Variants in DSCAM observed in about 807,000 individuals in gnomAD.
The protein encoded by DSCAM is DS cell adhesion molecule.
A neutral mutation model predicts 217.7 loss-of-function variants in DSCAM; 47 were observed. That is an observed-to-expected ratio of 0.22 (90% CI 0.17 to 0.28). DSCAM has a LOEUF of 0.28. Among genes scored for constraint, DSCAM ranks in the 10% least tolerant of loss-of-function variants. The pLI, the probability that DSCAM is intolerant of heterozygous loss-of-function variation, is 1.00. For missense variants in DSCAM, 2,080 were observed against 2,618.3 expected (o/e 0.79, Z 4.49); for synonymous variants, 1,056 against 1,015.3 (o/e 1.04, Z -0.76).
intron 5 of DSCAM, among the ~76,000 whole-genome samples, chr21:40,348,169 T>C (rs62223794): frequency 0.09 from 355 of 3,934 alleles, no homozygotes; most frequent in African/African-American, 0.11. Context: ...GCAATCATAC[T>C]CCACACAGTT....
At chr21:40,595,397 G>GAGGA (rs776842333) in intron 3 of DSCAM, among the ~76,000 whole-genome samples, 3 of 151,464 alleles carry the variant, frequency 2.0e-5, no homozygotes, top group Non-Finnish European at 4.4e-5. Flanking sequence ...GAAAAGAAAA[G>GAGGA]AGGAAGGAAG....
chr21:40,170,571 G>A (rs867231103), intron 15 of DSCAM, among the ~76,000 whole-genome samples: 10 of 152,256 alleles, frequency 6.6e-5, no homozygotes, highest in Middle Eastern at 6.8e-3. Flanking sequence ...GATGATTATT[G>A]TTGAGCCTCT....
chr21:40,763,590 A>G (rs2091358078), intron 1 of DSCAM, among the ~76,000 whole-genome samples: 1 of 152,230 alleles, frequency 6.6e-6, no homozygotes, highest in Non-Finnish European at 1.5e-5. Context: ...ACTAGAGAAA[A>G]CTACTTTAAA....
intron 1 of DSCAM, among the ~76,000 whole-genome samples, chr21:40,824,554 C>T (rs540189496): frequency 2.0e-5 from 3 of 151,920 alleles, no homozygotes; most frequent in South Asian, 4.2e-4. Context: ...GGACCACAAG[C>T]GCAGGCCACC....
In DSCAM at chr21:40,312,008, TCAAGCCC is replaced by T. The variant is rs1442591161; in HGVS notation, c.2062+66_2062+72del. The T allele has an allele frequency of 1.9e-5, 22 of 1,151,882 alleles. No homozygotes were observed. In the East Asian group the frequency reaches 1.1e-3, roughly 57 times the overall value. 71.4% of individuals were successfully genotyped at this position (1,151,882 alleles called of 1,614,324 possible). On this transcript the variant is annotated intron_variant, in intron 9 of 32. Transcript: ENST00000400454. ...AAGTTCCAGTTATTTTCGAAATATT[TCAAGCCC>T]CATCATCTTAAACCATTGTTAAATC...
intron 3 of DSCAM, among the ~76,000 whole-genome samples, chr21:40,509,821 G>T (rs758288099): frequency 6.6e-6 from 1 of 152,160 alleles, no homozygotes; most frequent in Non-Finnish European, 1.5e-5. Flanking sequence ...CACATGCTTT[G>T]ATCTTTCTCT....
At chr21:40,385,793 ATAT>A (rs2075078763) in intron 3 of DSCAM, among the ~76,000 whole-genome samples, 1 of 152,024 alleles carries the variant, frequency 6.6e-6, no homozygotes, top group African/African-American at 2.4e-5. Context: ...AACTTTATAT[ATAT>A]TTTTTTAAGA....
rs1555872444 is a variant in DSCAM at position 40,620,386 on chromosome 21, G to GAAAGAGAA, written c.508+72423_508+72424insTTCTCTTT. The stretch of plus-strand genomic sequence containing the variant: ...AAAGAAAAAGAAAGAAAGAAAGAAA[G>GAAAGAGAA]AGAAAGAAAGAAAGAAAGGAGGGAG... On this transcript the variant is annotated intron_variant, in intron 3 of 32. Transcript: ENST00000400454. Among the ~76,000 whole-genome samples the GAAAGAGAA allele has an allele frequency of 6.0e-3, 549 of 91,618 alleles. 12 individuals carry two copies. The highest frequency in any genetic ancestry group is 0.019 in the African/African-American group (520 of 27,840). The allele number at this position is 91,618 out of a possible 152,430, so 60.1% of individuals were successfully genotyped here. A position where few individuals can be genotyped will look rare whatever the true frequency, so the allele number is the denominator to read the frequency against.
In DSCAM at chr21:40,456,288, GA is replaced by G. The variant is rs199856260; in HGVS notation, c.509-87044del. Among the ~76,000 whole-genome samples the G allele has an allele frequency of 6.9e-3, 1,036 of 151,234 alleles. 16 individuals are homozygous for G. Among genetic ancestry groups the G allele is most frequent in the African/African-American group, 0.023 (961 of 41,266 alleles). ...GACTTTTGTAGATAAATTATAATTA[GA>G]AAAAAAATTTTTTAGAGTTCACTTA... On this transcript the variant is annotated intron_variant, in intron 3 of 32. Transcript: ENST00000400454.
At chr21:40,118,391 GC>G (rs2089996563) in intron 20 of DSCAM, among the ~76,000 whole-genome samples, 1 of 152,134 alleles carries the variant, frequency 6.6e-6, no homozygotes, top group Admixed American at 6.5e-5. Flanking sequence ...TTTGAGAGCA[GC>G]CTGGCCAACA....
intron 3 of DSCAM, among the ~76,000 whole-genome samples, chr21:40,586,563 C>A (rs1243338507): frequency 6.6e-6 from 1 of 152,188 alleles, no homozygotes; most frequent in African/African-American, 2.4e-5. Context: ...TGTTAAAGTT[C>A]AATTCCGATT....
intron 20 of DSCAM, among the ~76,000 whole-genome samples, chr21:40,116,190 G>T (rs142915122): frequency 5.9e-5 from 9 of 152,220 alleles, no homozygotes; most frequent in African/African-American, 2.2e-4. Context: ...GGAGGGGGAG[G>T]ATCAGGAAAA....
chr21:40,840,851 C>T (rs965651322), intron 1 of DSCAM, among the ~76,000 whole-genome samples: 1 of 151,884 alleles, frequency 6.6e-6, no homozygotes, highest in Non-Finnish European at 1.5e-5. Context: ...GAGAGGTGGA[C>T]GGGAGGGAGG....
intron 3 of DSCAM, among the ~76,000 whole-genome samples, chr21:40,473,494 G>T (rs767837696): frequency 1.3e-5 from 2 of 152,192 alleles, no homozygotes; most frequent in Non-Finnish European, 2.9e-5. Flanking sequence ...ATAATAGCCT[G>T]GTGTTAACAC....
intron 1 of DSCAM, among the ~76,000 whole-genome samples, chr21:40,718,992 T>C (rs1039139926): frequency 1.3e-5 from 2 of 152,082 alleles, no homozygotes; most frequent in Non-Finnish European, 1.5e-5. Flanking sequence ...GGCATGCTCC[T>C]GTAGTCCCAG....
rs147757724 is a variant in DSCAM at position 40,561,542 on chromosome 21, A to G, written c.508+131268T>C. 1.7e-3 allele frequency among the ~76,000 whole-genome samples: 256 copies of G among 152,232 alleles called. 2 individuals are homozygous for G. The highest frequency in any genetic ancestry group is 5.8e-3 in the African/African-American group (239 of 41,522). On this transcript the variant is annotated intron_variant, in intron 3 of 32. Coordinates refer to ENST00000400454, the MANE Select transcript of DSCAM (RefSeq NM_001389.5). Reference sequence around the variant, plus strand: ...GAGACAATTTATATGATCATCCTTTAGCTTCTGCTTCATTCAGTGATACCC... The same window carrying G: ...GAGACAATTTATATGATCATCCTTTGGCTTCTGCTTCATTCAGTGATACCC...
At chr21:40,298,351 G>A (rs2073978871) in intron 9 of DSCAM, among the ~76,000 whole-genome samples, 2 of 151,820 alleles carry the variant, frequency 1.3e-5, no homozygotes, top group South Asian at 2.1e-4. Flanking sequence ...AAAGTGCTGG[G>A]ATTACAGGCG....
intron 32 of DSCAM, among the ~76,000 whole-genome samples, chr21:40,038,163 A>G (rs1460459740): frequency 6.6e-6 from 1 of 150,520 alleles, no homozygotes; most frequent in Non-Finnish European, 1.5e-5. Context: ...CAAAATTGAC[A>G]AATGGGATCT....
chr21:40,063,264 T>C (rs1280941830), intron 27 of DSCAM, among the ~76,000 whole-genome samples: 1 of 152,196 alleles, frequency 6.6e-6, no homozygotes, highest in African/African-American at 2.4e-5. Context: ...ACCCATGCTT[T>C]TTGTTATCAA....
Sources: allele counts gnomAD v4.1 joint callset (sites outside exome capture counted in the v4.1 genomes callset), GRCh38; gene constraint gnomAD v4.1.1; transcripts MANE v1.5; gene names NCBI Gene and HGNC (gene_info 2026-07-23, HGNC 2026-07-21).